MTCL1: variants seen among roughly 807,000 people sequenced by gnomAD.
MTCL1 encodes the protein microtubule cross-linking factor 1.
A neutral mutation model predicts 141.4 loss-of-function variants in MTCL1; 79 were observed. The ratio of observed to expected loss-of-function variants is 0.56; its 90% confidence interval spans 0.47 to 0.67. MTCL1 has a LOEUF of 0.67. MTCL1 is among the 30% of genes least tolerant of loss of function. The pLI, the probability that MTCL1 is intolerant of heterozygous loss-of-function variation, is 0.00. For missense variants in MTCL1, 2,177 were observed against 2,113.9 expected (o/e 1.03, Z -0.59); for synonymous variants, 914 against 875.8 (o/e 1.04, Z -0.77).
rs1423655291 is a variant in MTCL1, at chr18:8,815,150, C to T, written c.2859+1917C>T. Among the ~76,000 whole-genome samples the T allele has an allele frequency of 2.0e-5, 3 of 152,152 alleles. 1 individual carries two copies. The highest frequency in any genetic ancestry group is 4.1e-4 in the South Asian group (2 of 4,828). On this transcript the variant is annotated intron_variant, in intron 12 of 16. Coordinates refer to ENST00000359865, the Ensembl canonical transcript of MTCL1. ...TATACCGAAAGGATTATAAATCATG[C>T]TGCTATAAAGACACATGCACACGTA...
intron 4 of MTCL1, among the ~76,000 whole-genome samples, chr18:8,735,153 A>T (rs1001597321): frequency 1.3e-5 from 2 of 152,244 alleles, no homozygotes; most frequent in Non-Finnish European, 2.9e-5. Context: ...CAGAAGTTGT[A>T]AAGGACAATA....
exon 10 of MTCL1, chr18:8,798,116 T>G: frequency 1.3e-6 from 2 of 1,589,926 alleles, no homozygotes; most frequent in East Asian, 4.7e-5. Context: ...CCAGAGACCC[T>G]CTCCAGGCTC....
chr18:8,725,383 C>G (rs1368243361), intron 4 of MTCL1, among the ~76,000 whole-genome samples: 1 of 152,106 alleles, frequency 6.6e-6, no homozygotes, highest in South Asian at 2.1e-4. Flanking sequence ...GTGCTTGAGA[C>G]GAATGTGTTT....
At chr18:8,786,131 C>CCCCCCTT in intron 7 of MTCL1, 40 bp downstream of exon 6, 1 of 1,520,142 alleles carries the variant, frequency 6.6e-7, no homozygotes, top group Non-Finnish European at 8.9e-7. Flanking sequence ...CGCCCTCCCC[C>CCCCCCTT]TCCTTTTTCT....
At chr18:8,759,488 C>T (rs960347410) in intron 4 of MTCL1, among the ~76,000 whole-genome samples, 51 of 152,266 alleles carry the variant, frequency 3.3e-4, no homozygotes, top group Middle Eastern at 6.8e-3. Flanking sequence ...AATCCTTTCC[C>T]GCTGTGCTTA....
chr18:8,815,562 T>C (rs2076626257), intron 12 of MTCL1, among the ~76,000 whole-genome samples: 1 of 150,236 alleles, frequency 6.7e-6, no homozygotes, highest in Admixed American at 6.7e-5. Flanking sequence ...GGCACATGTA[T>C]ACATATGCAA....
exon 4 of MTCL1, chr18:8,720,466 C>T (rs773026563): frequency 1.2e-6 from 2 of 1,613,974 alleles, no homozygotes; most frequent in Admixed American, 1.7e-5. Flanking sequence ...CCAAACAGGC[C>T]CTCCAGAATG....
intron 7 of MTCL1, among the ~76,000 whole-genome samples, chr18:8,787,971 G>A (rs548210639): frequency 6.6e-6 from 1 of 151,950 alleles, no homozygotes; most frequent in African/African-American, 2.4e-5. Context: ...TTTGGTCTTT[G>A]AATATGACAT....
chr18:8,831,846 A>G (rs142583120), exon 17 of MTCL1: 2 of 1,545,208 alleles, frequency 1.3e-6, no homozygotes, highest in Middle Eastern at 1.7e-4. Flanking sequence ...TGTAATTTGC[A>G]TAACCACACC....
intron 10 of MTCL1, chr18:8,801,604 C>A (rs554152425): frequency 6.6e-6 from 1 of 152,304 alleles, no homozygotes; most frequent in African/African-American, 2.4e-5. Context: ...ACTCTCCTTG[C>A]CCCATCCTAC....
chr18:8,747,611 A>T (rs1319045811), intron 4 of MTCL1, among the ~76,000 whole-genome samples: 1 of 152,198 alleles, frequency 6.6e-6, no homozygotes, highest in Non-Finnish European at 1.5e-5. Context: ...GCAGTCTAGT[A>T]GGTCCTCCTC....
At chr18:8,749,736 G>T (rs1399295205) in intron 4 of MTCL1, among the ~76,000 whole-genome samples, 4 of 152,148 alleles carry the variant, frequency 2.6e-5, no homozygotes, top group Non-Finnish European at 5.9e-5. Context: ...CAGCGAACAG[G>T]GCTTAGGGCA....
chr18:8,743,400 C>T (rs556666661), intron 4 of MTCL1, among the ~76,000 whole-genome samples: 24 of 152,218 alleles, frequency 1.6e-4, no homozygotes, highest in Non-Finnish European at 2.9e-4. Flanking sequence ...CTTAGTACTA[C>T]AGATAAATAT....
chr18:8,736,632 T>C (rs1181321447), intron 4 of MTCL1, among the ~76,000 whole-genome samples: 1 of 132,816 alleles, frequency 7.5e-6, no homozygotes, highest in African/African-American at 2.7e-5. Context: ...TCTATATCCA[T>C]GTATTTTTTT....
Position 8,779,657 on chromosome 18 carries a change from T to A in MTCL1, c.417+1765T>A, listed in dbSNP as rs575407935. ...GACCTCACGGAAGACGTCTGACTCCTTCATTTAATATACACTCTCCCATGG... is the reference window on the plus strand; with the variant it reads ...GACCTCACGGAAGACGTCTGACTCCATCATTTAATATACACTCTCCCATGG... On this transcript the variant is annotated intron_variant, in intron 5 of 16. Transcript: ENST00000359865. This position sits in a 1 kb window ranked among gnomAD's most constrained non-coding sequence, Gnocchi z 4.1. Among the ~76,000 whole-genome samples, 1 of 152,160 alleles carries A rather than the reference T, an allele frequency of 6.6e-6. No individual in the cohort carries two copies. Among genetic ancestry groups the A allele is most frequent in the South Asian group, 2.1e-4 (1 of 4,802 alleles).
upstream of MTCL1, among the ~76,000 whole-genome samples, chr18:8,713,911 C>G (rs2096110084): frequency 6.6e-6 from 1 of 152,108 alleles, no homozygotes; most frequent in African/African-American, 2.4e-5. Context: ...CCACTGCGCT[C>G]CAGGTTGGGT....
intron 12 of MTCL1, among the ~76,000 whole-genome samples, chr18:8,816,755 G>A (rs1598789206): frequency 6.6e-6 from 1 of 152,228 alleles, no homozygotes; most frequent in East Asian, 1.9e-4. Flanking sequence ...GTCTGGGGAA[G>A]GTGACACTCT....
chr18:8,826,810 A>G (rs908852431), intron 15 of MTCL1, among the ~76,000 whole-genome samples: 4 of 152,234 alleles, frequency 2.6e-5, no homozygotes, highest in Non-Finnish European at 5.9e-5. Context: ...AGTGAAACAT[A>G]TAGACAAAAT....
At chr18:8,758,955 A>T (rs1420395259) in intron 4 of MTCL1, among the ~76,000 whole-genome samples, 2 of 152,176 alleles carry the variant, frequency 1.3e-5, no homozygotes, top group Non-Finnish European at 2.9e-5. Flanking sequence ...TCCAGTTGAA[A>T]CACCTCCTCC....
Sources: gnomAD v4.1 joint callset for allele counts (sites outside exome capture counted in the v4.1 genomes callset) on GRCh38, gnomAD v4.1.1 for gene constraint, Gnocchi (gnomAD v3.1) non-coding constraint, MANE v1.5 for transcripts, NCBI Gene and HGNC (gene_info 2026-07-23, HGNC 2026-07-21) for gene names.